The following DLGAP1 variants were observed in gnomAD, a reference collection of about 807,000 sequenced individuals.
DLGAP1 encodes the protein DLG associated protein 1, also known as disks large-associated protein 1.
DLGAP1 carries 11 observed loss-of-function variants against 90.8 expected under a neutral mutation model. That is an observed-to-expected ratio of 0.12 (90% CI 0.08 to 0.20). DLGAP1 has a LOEUF of 0.20. DLGAP1 is among the 10% of genes least tolerant of loss of function. DLGAP1 has a pLI of 1.00. For synonymous variants in DLGAP1, 558 were observed against 540.7 expected (o/e 1.03, Z -0.44); for missense variants, 1,050 against 1,333.8 (o/e 0.79, Z 3.31).
intron 4 of DLGAP1, chr18:3,845,347 C>T: frequency 1.9e-6 from 3 of 1,560,388 alleles, no homozygotes; most frequent in Admixed American, 1.7e-5. Context: ...CTATGATTTG[C>T]CGATTCTAAG....
intron 2 of DLGAP1, among the ~76,000 whole-genome samples, chr18:4,018,526 A>G (rs1228913624): frequency 1.3e-5 from 2 of 152,270 alleles, no homozygotes; most frequent in African/African-American, 4.8e-5. Flanking sequence ...GTCGCCAACT[A>G]CAGCATCCGC....
chr18:4,234,198 T>C (rs780512867), intron 1 of DLGAP1, among the ~76,000 whole-genome samples: 6 of 151,960 alleles, frequency 3.9e-5, no homozygotes, highest in Non-Finnish European at 8.8e-5. Flanking sequence ...CAAGAACATC[T>C]TGACAAAGTA....
intron 10 of DLGAP1, among the ~76,000 whole-genome samples, chr18:3,522,003 A>G (rs2051223627): frequency 6.6e-6 from 1 of 151,816 alleles, no homozygotes; most frequent in African/African-American, 2.4e-5. Flanking sequence ...GTCATGCAAT[A>G]GTTGTAGTGA....
intron 4 of DLGAP1, 143 bp from the exon 5 acceptor site, chr18:3,814,416 C>T: frequency 1.3e-6 from 1 of 761,984 alleles, no homozygotes; most frequent in Non-Finnish European, 2.0e-6. Flanking sequence ...GACTGGAGTG[C>T]AGTGGTGCAA....
At chr18:3,599,779 C>A in intron 7 of DLGAP1, among the ~76,000 whole-genome samples, 1 of 151,994 alleles carries the variant, frequency 6.6e-6, no homozygotes, top group East Asian at 1.9e-4. Context: ...CCACCACGCC[C>A]GGCTAATTTT....
At chr18:4,185,634 A>G (rs968323706) in intron 1 of DLGAP1, among the ~76,000 whole-genome samples, 2 of 152,062 alleles carry the variant, frequency 1.3e-5, no homozygotes, top group African/African-American at 2.4e-5. Flanking sequence ...CATGTACCAC[A>G]TTTTGGACAT....
Position 4,260,218 on chromosome 18 carries a change from G to A in DLGAP1, c.-266-108931C>T, listed in dbSNP as rs557694193. Among the ~76,000 whole-genome samples, 10 of 152,306 alleles carry A rather than the reference G, an allele frequency of 6.6e-5. No individual in the cohort carries two copies. In the South Asian group the frequency reaches 2.1e-3, roughly 32 times the overall value. On this transcript the variant is annotated intron_variant, in intron 1 of 12. Transcript: ENST00000315677. ...ATGGTAAACTGAGGCACAATGACAT[G>A]TTAAAGGCAACTCGAAACCGGAAAT...
At chr18:4,453,054 AAC>A (rs2083873965) in intron 1 of DLGAP1, among the ~76,000 whole-genome samples, 1 of 152,200 alleles carries the variant, frequency 6.6e-6, no homozygotes, top group Non-Finnish European at 1.5e-5. Context: ...CACACAAGGT[AAC>A]TAACATTTTC....
chr18:3,527,895 G>T (rs1190718906), intron 10 of DLGAP1, among the ~76,000 whole-genome samples: 1 of 152,072 alleles, frequency 6.6e-6, no homozygotes, highest in East Asian at 1.9e-4. Flanking sequence ...GCCCAGTGGG[G>T]GTATTTTAAA....
chr18:3,843,780 ATTG>A (rs1183068779), intron 4 of DLGAP1, among the ~76,000 whole-genome samples: 7 of 152,312 alleles, frequency 4.6e-5, no homozygotes, highest in African/African-American at 1.7e-4. Flanking sequence ...TGTCTGTCTT[ATTG>A]TTGTTAAAAA....
At chr18:3,794,843 A>T (rs1188642284) in intron 5 of DLGAP1, among the ~76,000 whole-genome samples, 1 of 152,182 alleles carries the variant, frequency 6.6e-6, no homozygotes, top group African/African-American at 2.4e-5. Flanking sequence ...CTGATAACAT[A>T]TGGAGGAGAA....
intron 2 of DLGAP1, among the ~76,000 whole-genome samples, chr18:4,070,993 C>T (rs1254273131): frequency 6.6e-6 from 1 of 152,146 alleles, no homozygotes; most frequent in Non-Finnish European, 1.5e-5. Flanking sequence ...CTCTACTCAA[C>T]TGAGATTTGC....
intron 4 of DLGAP1, among the ~76,000 whole-genome samples, chr18:3,858,421 C>T (rs904233208): frequency 2.6e-5 from 4 of 151,510 alleles, no homozygotes; most frequent in African/African-American, 9.7e-5. Context: ...CTGAAATATA[C>T]TTAGTGCTCA....
intron 7 of DLGAP1, among the ~76,000 whole-genome samples, chr18:3,601,340 C>T (rs1295672320): frequency 1.3e-5 from 2 of 151,924 alleles, no homozygotes; most frequent in Non-Finnish European, 2.9e-5. Flanking sequence ...CCCGCCTCGG[C>T]CTCCCAAAAT....
At chr18:3,819,084 G>A (rs1204020776) in intron 4 of DLGAP1, among the ~76,000 whole-genome samples, 1 of 151,580 alleles carries the variant, frequency 6.6e-6, no homozygotes, top group Admixed American at 6.6e-5. Context: ...GGCCGAGACG[G>A]GCAGATCATG....
At chr18:3,819,781 A>G (rs1175089693) in intron 4 of DLGAP1, among the ~76,000 whole-genome samples, 1 of 152,196 alleles carries the variant, frequency 6.6e-6, no homozygotes, top group Admixed American at 6.5e-5. Context: ...GCATATTCAT[A>G]TATGTCTTTT....
intron 1 of DLGAP1, among the ~76,000 whole-genome samples, chr18:4,185,191 A>T (rs916117002): frequency 2.0e-5 from 3 of 151,970 alleles, no homozygotes; most frequent in Non-Finnish European, 4.4e-5. Flanking sequence ...ATTAGCTTTA[A>T]TATTAAATAC....
intron 1 of DLGAP1, among the ~76,000 whole-genome samples, chr18:4,251,437 G>C (rs1468417260): frequency 6.6e-6 from 1 of 152,176 alleles, no homozygotes; most frequent in African/African-American, 2.4e-5. Flanking sequence ...CCTGATGCCT[G>C]TCTCTAGTAA....
At chr18:3,724,895 ACT>A (rs1250447657) in intron 7 of DLGAP1, among the ~76,000 whole-genome samples, 5 of 143,306 alleles carry the variant, frequency 3.5e-5, no homozygotes, top group South Asian at 2.4e-4. Context: ...ACACAGGGAA[ACT>A]CTGTCTCAAA....
Sources: gnomAD v4.1 joint callset for allele counts (sites outside exome capture counted in the v4.1 genomes callset) on GRCh38, gnomAD v4.1.1 for gene constraint, MANE v1.5 for transcripts, NCBI Gene and HGNC (gene_info 2026-07-23, HGNC 2026-07-21) for gene names.